Variants in FRMD5 observed in about 807,000 individuals in gnomAD.
The protein encoded by FRMD5 is FERM domain containing 5.
A neutral mutation model predicts 69.0 loss-of-function variants in FRMD5; 20 were observed. That is an observed-to-expected ratio of 0.29 (90% CI 0.20 to 0.42). FRMD5 has a LOEUF of 0.42. FRMD5 is among the 10% of genes least tolerant of loss of function. The pLI, the probability that FRMD5 is intolerant of heterozygous loss-of-function variation, is 1.00. For synonymous variants in FRMD5, 271 were observed against 260.1 expected, an observed-to-expected ratio of 1.04 and a Z score of -0.40; for missense variants, 595 against 708.6, an observed-to-expected ratio of 0.84 and a Z score of 1.82.
chr15:44,038,067 T>C (rs1380765393), intron 1 of FRMD5, among the ~76,000 whole-genome samples: 1 of 152,254 alleles, frequency 6.6e-6, no homozygotes, highest in Non-Finnish European at 1.5e-5. Context: ...TGAGCTTTTT[T>C]TCATATGTTT....
chr15:43,909,226 C>T (rs2089238877), intron 5 of FRMD5, among the ~76,000 whole-genome samples: 1 of 151,836 alleles, frequency 6.6e-6, no homozygotes, highest in African/African-American at 2.4e-5. Flanking sequence ...GAAACTCCAT[C>T]TCTACTAAAA....
At chr15:43,906,922 C>T (rs1020135440) in intron 5 of FRMD5, among the ~76,000 whole-genome samples, 2 of 152,150 alleles carry the variant, frequency 1.3e-5, no homozygotes, top group African/African-American at 4.8e-5. Flanking sequence ...AGTTCTAAGG[C>T]TCATTTCTCA....
chr15:44,132,183 G>A (rs1335914373), intron 1 of FRMD5, among the ~76,000 whole-genome samples: 1 of 152,178 alleles, frequency 6.6e-6, no homozygotes, highest in Admixed American at 6.5e-5. Flanking sequence ...TGATCTGACA[G>A]GAGGCGGAGC....
chr15:43,892,184 A>AAAAGC (rs1446880173), intron 7 of FRMD5, 115 bp from the exon 8 acceptor site: 7 of 858,674 alleles, frequency 8.2e-6, no homozygotes, highest in Non-Finnish European at 1.1e-5. Flanking sequence ...TCACAGAGGG[A>AAAAGC]AAAGCATATC....
chr15:44,009,219 G>A (rs1057146509), intron 1 of FRMD5, among the ~76,000 whole-genome samples: 2 of 152,188 alleles, frequency 1.3e-5, no homozygotes, highest in Non-Finnish European at 2.9e-5. Context: ...TCTTTGCCCA[G>A]CTTTCTAAGG....
At chr15:43,924,089 C>T (rs941641289) in intron 2 of FRMD5, 116 bp downstream of exon 2, 10 of 794,338 alleles carry the variant, frequency 1.3e-5, no homozygotes, top group South Asian at 4.6e-5. Context: ...CATCCAACTG[C>T]AGGGTCTGGT....
At position 43,951,980 on chromosome 15, in the gene FRMD5, TTG is replaced by T. The variant is rs1174993374; in HGVS notation, c.103-27673_103-27672del. On this transcript the variant is annotated intron_variant, in intron 1 of 13. Transcript: ENST00000417257. ...ATGTGCATGTGTGTGTGTGTGTGTGTTGTGTGTGTGTGTGTGTGTCTGTGTGT... is the reference window on the plus strand; with the variant it reads ...ATGTGCATGTGTGTGTGTGTGTGTGTTGTGTGTGTGTGTGTGTCTGTGTGT... Among the ~76,000 whole-genome samples the T allele has an allele frequency of 3.8e-3, 410 of 107,554 alleles. 3 individuals carry two copies. Among genetic ancestry groups the T allele is most frequent in the African/African-American group, 0.022 (317 of 14,370 alleles). The allele number at this position is 107,554 out of a possible 152,430, so 70.6% of individuals were successfully genotyped here.
chr15:43,949,090 G>A (rs912950768), intron 1 of FRMD5, among the ~76,000 whole-genome samples: 1 of 152,224 alleles, frequency 6.6e-6, no homozygotes, highest in African/African-American at 2.4e-5. Context: ...AGGGCTCCAT[G>A]GTTAGTAGGC....
At chr15:43,971,755 G>A (rs1243625051) in intron 1 of FRMD5, among the ~76,000 whole-genome samples, 2 of 151,384 alleles carry the variant, frequency 1.3e-5, no homozygotes, top group Non-Finnish European at 2.9e-5. Flanking sequence ...TGCCCAGGCT[G>A]GAGTGCAATG....
At chr15:44,048,155 TG>T (rs1892509991) in intron 1 of FRMD5, among the ~76,000 whole-genome samples, 1 of 152,230 alleles carries the variant, frequency 6.6e-6, no homozygotes, top group Admixed American at 6.5e-5. Context: ...TTTTCCAAAG[TG>T]GCTATACCAT....
chr15:44,046,526 G>C (rs1477959922), intron 1 of FRMD5, among the ~76,000 whole-genome samples: 1 of 152,078 alleles, frequency 6.6e-6, no homozygotes, highest in African/African-American at 2.4e-5. Context: ...AAGTACAATG[G>C]GCCATGCACA....
chr15:44,093,964 T>G (rs1007182954), intron 1 of FRMD5, among the ~76,000 whole-genome samples: 4 of 152,278 alleles, frequency 2.6e-5, no homozygotes, highest in South Asian at 4.1e-4. Context: ...CTTGCATTTT[T>G]GGGGTGAATG....
chr15:43,880,988 CCT>C (rs1309733682), intron 13 of FRMD5, among the ~76,000 whole-genome samples: 2 of 152,216 alleles, frequency 1.3e-5, no homozygotes, highest in Non-Finnish European at 2.9e-5. Flanking sequence ...GTTTTCCCCG[CCT>C]CTGAGTTGTT....
At position 44,074,497 on chromosome 15, in the gene FRMD5, A is replaced by G. The variant is rs139198095; in HGVS notation, c.102+120456T>C. On this transcript the variant is annotated intron_variant, in intron 1 of 13. Coordinates refer to ENST00000417257, the MANE Select transcript of FRMD5 (RefSeq NM_032892.5). ...GAAAAAATGGAAATCACAGAGCTGA[A>G]TTTTTTTTTTGTTTTTTTTTTCTTG... Among the ~76,000 whole-genome samples, 734 of 149,580 alleles carry G rather than the reference A, an allele frequency of 4.9e-3. 12 individuals are homozygous for G. The highest frequency in any genetic ancestry group is 0.017 in the African/African-American group (702 of 40,818).
chr15:44,148,267 C>CA (rs2077386166), intron 1 of FRMD5, among the ~76,000 whole-genome samples: 1 of 151,738 alleles, frequency 6.6e-6, no homozygotes, highest in Admixed American at 6.6e-5. Flanking sequence ...TTGTGCTTCA[C>CA]AGATATTACT....
chr15:43,885,663 C>T lies in FRMD5; in HGVS notation c.959+18G>A. 6.2e-7 allele frequency: 1 copy of T among 1,600,158 alleles called. No homozygotes were observed. The highest frequency in any genetic ancestry group is 8.6e-7 in the Non-Finnish European group (1 of 1,167,198). ...TCTGAAAATAGATCCATAATGGTTA[C>T]TTACTGTCACTATTTACCTGTATCG... is the stretch of plus-strand genomic sequence containing the variant. On this transcript the variant is annotated intron_variant, in intron 11 of 13. Coordinates refer to ENST00000417257, the MANE Select transcript of FRMD5 (RefSeq NM_032892.5).
At chr15:44,117,795 T>TCCAAGATACTG (rs1204372182) in intron 1 of FRMD5, among the ~76,000 whole-genome samples, 46 of 152,274 alleles carry the variant, frequency 3.0e-4, no homozygotes, top group African/African-American at 9.6e-4. Flanking sequence ...AGCAGCTGGG[T>TCCAAGATACTG]GTACTTCCTT....
intron 1 of FRMD5, among the ~76,000 whole-genome samples, chr15:44,133,016 C>T (rs2077126335): frequency 6.6e-6 from 1 of 151,904 alleles, no homozygotes; most frequent in Non-Finnish European, 1.5e-5. Flanking sequence ...CCATCTTGGC[C>T]TCCCAAAGTG....
At chr15:43,947,249 G>A (rs2140501849) in intron 1 of FRMD5, among the ~76,000 whole-genome samples, 1 of 152,304 alleles carries the variant, frequency 6.6e-6, no homozygotes, top group Non-Finnish European at 1.5e-5. Flanking sequence ...TACCTTGAGT[G>A]TGAGAGTATA....
Sources: allele counts gnomAD v4.1 joint callset (sites outside exome capture counted in the v4.1 genomes callset), GRCh38; gene constraint gnomAD v4.1.1; transcripts MANE v1.5; gene names NCBI Gene and HGNC (gene_info 2026-07-23, HGNC 2026-07-21).